Variants in DLGAP2 observed in about 807,000 individuals in gnomAD.
The protein encoded by DLGAP2 is DLG associated protein 2, also known as disks large-associated protein 2.
Under a neutral mutation model 100.3 loss-of-function variants are expected in DLGAP2, and 26 were observed. That is an observed-to-expected ratio of 0.26 (90% CI 0.19 to 0.36). DLGAP2 has a LOEUF of 0.36. Among genes scored for constraint, DLGAP2 ranks in the 10% least tolerant of loss-of-function variants. The pLI, the probability that DLGAP2 is intolerant of heterozygous loss-of-function variation, is 1.00. For synonymous variants in DLGAP2, 886 were observed against 630.1 expected, an observed-to-expected ratio of 1.41 and a Z score of -6.08; for missense variants, 1,858 against 1,453.2, an observed-to-expected ratio of 1.28 and a Z score of -4.53.
chr8:1,037,430 A>G (rs1802164504), intron 2 of DLGAP2, among the ~76,000 whole-genome samples: 1 of 151,680 alleles, frequency 6.6e-6, no homozygotes, highest in Non-Finnish European at 1.5e-5. Flanking sequence ...GCCTCTCTCC[A>G]CAGCTCCTGC....
chr8:1,018,374 G>A (rs746237200), intron 2 of DLGAP2, among the ~76,000 whole-genome samples: 27 of 152,156 alleles, frequency 1.8e-4, no homozygotes, highest in Non-Finnish European at 3.5e-4. Context: ...ATTCTATTTC[G>A]CATTAGGTTG....
At chr8:1,237,183 C>T (rs1260701166) in intron 2 of DLGAP2, among the ~76,000 whole-genome samples, 1 of 135,758 alleles carries the variant, frequency 7.4e-6, no homozygotes, top group Non-Finnish European at 1.6e-5. Flanking sequence ...TCACATGGCG[C>T]CGTGTGTAGT....
chr8:1,576,652 G>A (rs187796506), intron 6 of DLGAP2, among the ~76,000 whole-genome samples: 123 of 152,270 alleles, frequency 8.1e-4, no homozygotes, highest in African/African-American at 2.8e-3. Context: ...AGTATAAGGT[G>A]TAAGGAAGGG....
intron 13 of DLGAP2, 42 bp downstream of exon 13, chr8:1,691,668 C>A: frequency 1.4e-6 from 2 of 1,468,698 alleles, no homozygotes; most frequent in African/African-American, 1.4e-5. Context: ...TGTAACCAAG[C>A]TAATGGGCAT....
At chr8:1,557,694 G>A (rs1802014180) in intron 5 of DLGAP2, among the ~76,000 whole-genome samples, 1 of 152,160 alleles carries the variant, frequency 6.6e-6, no homozygotes, top group African/African-American at 2.4e-5. Context: ...GGAGTCCCAA[G>A]GCCAGCTCCT....
At chr8:1,047,873 T>C (rs2129032196) in intron 2 of DLGAP2, among the ~76,000 whole-genome samples, 1 of 152,316 alleles carries the variant, frequency 6.6e-6, no homozygotes. Flanking sequence ...GCAGCATCCT[T>C]GTTAAAAATT....
At chr8:1,128,072 C>T (rs370674224) in intron 2 of DLGAP2, among the ~76,000 whole-genome samples, 6 of 152,212 alleles carry the variant, frequency 3.9e-5, no homozygotes, top group East Asian at 1.9e-4. Flanking sequence ...CACCATATCC[C>T]GGTGTTGTGT....
At position 1,096,482 on chromosome 8, in the gene DLGAP2, C is replaced by T. The variant is rs377343952; in HGVS notation, c.74-162369C>T. ...GCGTGAGAACTACCTCCCTGTGCTC[C>T]AGAGTCGAGGGACTCATCAAGCTCT... is the stretch of plus-strand genomic sequence containing the variant. On this transcript the variant is annotated intron_variant, in intron 2 of 14. Coordinates refer to ENST00000637795, the MANE Select transcript of DLGAP2 (RefSeq NM_001346810.2). Among the ~76,000 whole-genome samples the T allele has an allele frequency of 7.3e-5, 11 of 149,744 alleles. No individual in the cohort carries two copies. The East Asian group carries it at 1.2e-3, about 17-fold the overall frequency.
chr8:1,516,667 GTGAC>G (rs1258965942), intron 4 of DLGAP2, among the ~76,000 whole-genome samples: 3 of 151,840 alleles, frequency 2.0e-5, no homozygotes, highest in African/African-American at 4.8e-5. Flanking sequence ...GAATGAGTGG[GTGAC>G]TGAGTGAAAG....
intron 3 of DLGAP2, among the ~76,000 whole-genome samples, chr8:1,431,831 G>T (rs1156322138): frequency 6.6e-6 from 1 of 152,182 alleles, no homozygotes; most frequent in Admixed American, 6.5e-5. Context: ...ATGCCTCCGT[G>T]TCGATGGCCA....
intron 2 of DLGAP2, among the ~76,000 whole-genome samples, chr8:914,201 AG>A (rs764727410): frequency 5.9e-5 from 9 of 152,214 alleles, no homozygotes; most frequent in Non-Finnish European, 1.2e-4. Context: ...GAACAGCAAA[AG>A]CAAAGTCAGG....
At chr8:1,137,016 G>A (rs1334217646) in intron 2 of DLGAP2, among the ~76,000 whole-genome samples, 2 of 152,210 alleles carry the variant, frequency 1.3e-5, no homozygotes, top group African/African-American at 4.8e-5. Context: ...CTCAGGCCAT[G>A]ATCCCAGAAT....
intron 1 of DLGAP2, among the ~76,000 whole-genome samples, chr8:783,406 C>T (rs11776586): frequency 3.3e-5 from 5 of 151,978 alleles, no homozygotes; most frequent in African/African-American, 1.2e-4. Context: ...CATGATATTA[C>T]ATACACGGGA....
chr8:903,330 G>C (rs529768371), intron 1 of DLGAP2, among the ~76,000 whole-genome samples: 1 of 152,068 alleles, frequency 6.6e-6, no homozygotes, highest in Non-Finnish European at 1.5e-5. Context: ...TCAAACATCA[G>C]TTCGAGAGCA....
intron 2 of DLGAP2, among the ~76,000 whole-genome samples, chr8:1,213,128 A>G (rs1161124574): frequency 1.3e-5 from 2 of 152,146 alleles, no homozygotes; most frequent in Non-Finnish European, 2.9e-5. Flanking sequence ...TAGAAAGAGA[A>G]TCACATCATC....
chr8:845,431 T>C (rs1247108747), intron 1 of DLGAP2, among the ~76,000 whole-genome samples: 4 of 152,252 alleles, frequency 2.6e-5, no homozygotes, highest in Admixed American at 6.5e-5. Flanking sequence ...TGAACATCTT[T>C]CCATGTGCTT....
intron 2 of DLGAP2, among the ~76,000 whole-genome samples, chr8:1,045,296 A>G (rs1246484399): frequency 6.6e-6 from 1 of 152,244 alleles, no homozygotes; most frequent in Non-Finnish European, 1.5e-5. Flanking sequence ...GAGTGAGTGT[A>G]TATAAAGCAC....
rs2116700032 is a variant in DLGAP2, at chr8:1,180,263, A to C, written c.74-78588A>C. Among the ~76,000 whole-genome samples the C allele has an allele frequency of 1.3e-5, 2 of 152,340 alleles. 1 individual carries two copies. The highest frequency in any genetic ancestry group is 4.1e-4 in the South Asian group (2 of 4,826). ...TTCTAGCTACACATATGTCCATGTA[A>C]CCCACATGCCAGTCAGACGTGGAAC... On this transcript the variant is annotated intron_variant, in intron 2 of 14. Coordinates refer to ENST00000637795, the MANE Select transcript of DLGAP2 (RefSeq NM_001346810.2).
At chr8:1,370,649 G>C (rs1240895797) in intron 3 of DLGAP2, among the ~76,000 whole-genome samples, 1 of 152,178 alleles carries the variant, frequency 6.6e-6, no homozygotes, top group Non-Finnish European at 1.5e-5. Flanking sequence ...ACCCAATGAG[G>C]ATTAGAAGCC....
Sources: allele counts gnomAD v4.1 joint callset (sites outside exome capture counted in the v4.1 genomes callset), GRCh38; gene constraint gnomAD v4.1.1; transcripts MANE v1.5; gene names NCBI Gene and HGNC (gene_info 2026-07-23, HGNC 2026-07-21).